TUBGCP2: variants seen among roughly 807,000 people sequenced by gnomAD.
The protein encoded by TUBGCP2 is tubulin gamma complex component 2.
Under a neutral mutation model 92.2 loss-of-function variants are expected in TUBGCP2, and 55 were observed. The observed-to-expected ratio is 0.60, with a 90% CI of 0.48 to 0.75. The LOEUF is 0.75. TUBGCP2 is among the 30% of genes least tolerant of loss of function. The pLI is 0.00. For missense variants in TUBGCP2, 1,093 were observed against 1,188.9 expected, an observed-to-expected ratio of 0.92 and a Z score of 1.19; for synonymous variants, 533 against 505.2, an observed-to-expected ratio of 1.06 and a Z score of -0.74.
rs1204786249 is a variant in TUBGCP2 at position 133,307,510 on chromosome 10, CAGAA to C, written c.-40+1309_-40+1312del. Among the ~76,000 whole-genome samples, 4 of 152,326 alleles carry C rather than the reference CAGAA, an allele frequency of 2.6e-5. No homozygotes were observed. In the East Asian group the frequency reaches 7.7e-4, roughly 29 times the overall value. ...AAGAGCCCAAAGGCTTTTACAGAGA[CAGAA>C]AGTACAGTCATGCATCACTCAACAT... On this transcript the variant is annotated intron_variant, in intron 1 of 17. Transcript: ENST00000252936.
At chr10:133,302,745 G>A in intron 2 of TUBGCP2, 47 bp downstream of exon 2, 1 of 1,607,906 alleles carries the variant, frequency 6.2e-7, no homozygotes. Context: ...CCCTGACCCA[G>A]GAACAGTGCT....
upstream of TUBGCP2, chr10:133,312,331 G>C (rs1037725905): frequency 2.6e-6 from 3 of 1,171,494 alleles, no homozygotes; most frequent in Admixed American, 1.3e-4. Context: ...AGTTAAAGTT[G>C]ATTTTAAATT....
At chr10:133,304,227 A>G (rs973121239) in intron 1 of TUBGCP2, among the ~76,000 whole-genome samples, 14 of 152,144 alleles carry the variant, frequency 9.2e-5, no homozygotes, top group African/African-American at 3.1e-4. Flanking sequence ...GCTACTCGGG[A>G]GGCTGAGGTG....
chr10:133,302,861 G>C lies in TUBGCP2; in HGVS notation c.81C>G (p.Val27=). 2 of 1,613,918 alleles carry C rather than the reference G, an allele frequency of 1.2e-6. No homozygotes were observed. The highest frequency in any genetic ancestry group is 1.7e-6 in the Non-Finnish European group (2 of 1,179,998). ...LRVHGGDGAE[V]YIDLLQKNRT... is the part of the protein sequence containing the mutation. ...TGTTCTTTTGAAGCAGGTCAATGTAGACCTCAGCCCCATCTCCTCCGTGGA... is the reference window on the plus strand; with the variant it reads ...TGTTCTTTTGAAGCAGGTCAATGTACACCTCAGCCCCATCTCCTCCGTGGA... Residue 27 remains valine, a synonymous_variant, in exon 2 of 18, where the codon GTC becomes GTG. Transcript: ENST00000252936.
rs749903101 is a variant in TUBGCP2 at position 133,293,774 on chromosome 10, G to A, written c.617-5C>T. 38 of 1,577,766 alleles carry A rather than the reference G, an allele frequency of 2.4e-5. No homozygotes were observed. Among genetic ancestry groups the A allele is most frequent in the South Asian group, 1.9e-4 (16 of 86,382 alleles). ...GCGAGGCCAGGGGCAACGTGCCTGC[G>A]GGCACAGACAGCGCTGTGGCTCTGC... On this transcript the variant is annotated splice_polypyrimidine_tract_variant and splice_region_variant and intron_variant, in intron 5 of 17. Coordinates refer to ENST00000252936, the MANE Select transcript of TUBGCP2 (RefSeq NM_006659.4).
intron 5 of TUBGCP2, 94 bp from the exon 6 acceptor site, chr10:133,293,863 C>G: frequency 8.0e-7 from 1 of 1,256,988 alleles, no homozygotes; most frequent in Non-Finnish European, 1.1e-6. Flanking sequence ...CACTCTTGCT[C>G]ATCTTTGTTT....
chr10:133,278,713 T>G lies in TUBGCP2; in HGVS notation c.*1053A>C, dbSNP rs1257311989. On this transcript the variant is annotated 3_prime_UTR_variant, in exon 18 of 18. Transcript: ENST00000252936. ...GAGGAAGCGGTTTGTGGCTGGAGAG[T>G]TGGACACCCCCACCCCCACTCGGCG... 6.6e-6 allele frequency: 1 copy of G among 152,154 alleles called. No homozygotes were observed. The highest frequency in any genetic ancestry group is 2.4e-5 in the African/African-American group (1 of 41,374). 9.4% of individuals were successfully genotyped at this position (152,154 alleles called of 1,614,324 possible).
rs1415032729 is a variant in TUBGCP2 at position 133,281,327 on chromosome 10, A to G, written c.2519T>C (p.Leu840Pro). The G allele has an allele frequency of 4.3e-6, 7 of 1,613,464 alleles. No individual in the cohort carries two copies. Among genetic ancestry groups the G allele is most frequent in the Admixed American group, 1.7e-5 (1 of 60,020 alleles). ...SAHLLDLLAR[L>P]SIYSTSDCEH... ...ACAGTCACTGGTGCTATAGATGCTC[A>G]GCCGGGCCAGGAGGTCCAGCAGGTG... The change falls in exon 17 of 18, where the codon CTG (leucine) becomes CCG (proline). Residue 840 changes from leucine to proline, a missense_variant. By Grantham distance (98) the Leu-to-Pro change is moderately conservative. Coordinates refer to ENST00000252936, the MANE Select transcript of TUBGCP2 (RefSeq NM_006659.4).
upstream of TUBGCP2, chr10:133,310,065 G>A (rs1847953967): frequency 1.2e-6 from 2 of 1,609,664 alleles, no homozygotes; most frequent in East Asian, 4.5e-5. Context: ...GCTCGGGCAA[G>A]GCCGGGGACA....
In TUBGCP2 at chr10:133,288,891, T is replaced by C; in HGVS notation, c.1490A>G (p.Lys497Arg). ...CTCCATCAGGAAGTCCAGCAGCACC[T>C]TGCTGGCGTAGTTAAACGCCTTCTC... ...QIEKAFNYAS[K>R]VLLDFLMEEK... Residue 497 changes from lysine to arginine, a missense_variant, in exon 10 of 18, where the codon AAG becomes AGG. Lys to Arg is a conservative substitution (Grantham distance 26, BLOSUM62 2). This residue lies in a region of TUBGCP2 where 598 missense variants were observed against 675.5 expected (regional missense o/e 0.89). Coordinates refer to ENST00000252936, the MANE Select transcript of TUBGCP2 (RefSeq NM_006659.4). The C allele has an allele frequency of 6.2e-7, 1 of 1,614,102 alleles. No homozygotes were observed. Among genetic ancestry groups the C allele is most frequent in the Non-Finnish European group, 8.5e-7 (1 of 1,179,962 alleles).
intron 3 of TUBGCP2, 40 bp downstream of exon 3, chr10:133,299,945 G>A: frequency 6.2e-7 from 1 of 1,605,860 alleles, no homozygotes; most frequent in Non-Finnish European, 8.5e-7. Flanking sequence ...CCCAACATGG[G>A]CCGTACGGGC....
Position 133,288,376 on chromosome 10 carries a change from G to A in TUBGCP2, c.1542-67C>T, listed in dbSNP as rs984249252. 11 of 1,562,292 alleles carry A rather than the reference G, an allele frequency of 7.0e-6. No individual in the cohort carries two copies. In the African/African-American group the frequency reaches 8.2e-5, roughly 12 times the overall value. On this transcript the variant is annotated intron_variant, in intron 10 of 17. Coordinates refer to ENST00000252936, the MANE Select transcript of TUBGCP2 (RefSeq NM_006659.4). ...TGCCCGCCACAGCCAGGGAGCAGGC[G>A]TGAGCACGTGCCCACCCGCAGGTGC...
At chr10:133,302,670 C>T in intron 2 of TUBGCP2, 122 bp downstream of exon 2, 1 of 1,284,580 alleles carries the variant, frequency 7.8e-7, no homozygotes. Context: ...TCACCCTGTA[C>T]CACCCTGACC....
intron 8 of TUBGCP2, 121 bp from the exon 9 acceptor site, chr10:133,290,090 T>C (rs1847244878): frequency 2.2e-6 from 3 of 1,370,528 alleles, no homozygotes; most frequent in Non-Finnish European, 3.0e-6. Context: ...CCAAGTAACG[T>C]TCCACAAGGG....
upstream of TUBGCP2, chr10:133,310,261 G>C (rs200701211): frequency 1.9e-6 from 3 of 1,613,892 alleles, no homozygotes; most frequent in Admixed American, 1.7e-5. Flanking sequence ...GCGGACTTCC[G>C]GTTTGATAAG....
At chr10:133,288,033 C>T (rs1040405469) in intron 11 of TUBGCP2, 96 bp downstream of exon 11, 27 of 1,446,052 alleles carry the variant, frequency 1.9e-5, no homozygotes, top group African/African-American at 2.9e-5. Flanking sequence ...CTCACCGGGA[C>T]GGGGAGTGGG....
chr10:133,307,861 C>T (rs1847863270), intron 1 of TUBGCP2, among the ~76,000 whole-genome samples: 1 of 152,250 alleles, frequency 6.6e-6, no homozygotes, highest in Non-Finnish European at 1.5e-5. Context: ...CTAGAGGAGC[C>T]TCTTGCTCGT....
chr10:133,310,105 G>T, upstream of TUBGCP2: 1 of 1,612,068 alleles, frequency 6.2e-7, no homozygotes, highest in Non-Finnish European at 8.5e-7. Context: ...TCTGCTACGG[G>T]GGCATGGCGG....
upstream of TUBGCP2, chr10:133,310,205 C>T (rs754356750): frequency 1.2e-6 from 2 of 1,614,048 alleles, no homozygotes; most frequent in South Asian, 1.1e-5. Flanking sequence ...AGTTCAAGAC[C>T]AGCAGAGACC....
Sources: gnomAD v4.1 joint callset for allele counts (sites outside exome capture counted in the v4.1 genomes callset) on GRCh38, gnomAD v4.1.1 for gene constraint, gnomAD v4.1.1 regional missense constraint, MANE v1.5 for transcripts, NCBI Gene and HGNC (gene_info 2026-07-23, HGNC 2026-07-21) for gene names.